VGLL2: variants seen among roughly 807,000 people sequenced by gnomAD.
VGLL2 encodes vestigial like family member 2.
Under a neutral mutation model 27.0 loss-of-function variants are expected in VGLL2, and 18 were observed. The ratio of observed to expected loss-of-function variants is 0.67; its 90% CI spans 0.46 to 0.99. The LOEUF (loss-of-function observed/expected upper bound fraction) is 0.99, where lower values mean the gene tolerates loss of function less well. Among genes scored for constraint, VGLL2 ranks in the 50% least tolerant of loss-of-function variants. The pLI, the probability that VGLL2 is intolerant of heterozygous loss-of-function variation, is 0.00. For missense variants in VGLL2, 491 were observed against 452.3 expected (o/e 1.09, Z -0.78); for synonymous variants, 220 against 201.1 (o/e 1.09, Z -0.80).
chr6:117,269,543 A>T (rs932922519), intron 2 of VGLL2, among the ~76,000 whole-genome samples: 2 of 152,196 alleles, frequency 1.3e-5, no homozygotes, highest in Admixed American at 6.5e-5. Flanking sequence ...TCTCTGCCTA[A>T]ATATGTTTAA....
rs745553667 is a variant in VGLL2, at chr6:117,270,607, G to A, written c.456G>A (p.Ala152=). Residue 152 remains alanine (A), a synonymous_variant, in exon 3 of 4, where the codon GCG becomes GCA. Transcript: ENST00000326274. ...PASFWNSAYQ[A]PVPPPLGSPL... is the part of the protein sequence containing the mutation. ...CCTTCTGGAATAGCGCGTACCAGGC[G>A]CCAGTGCCCCCGCCGCTGGGCAGCC... 4.2e-5 allele frequency: 66 copies of A among 1,574,890 alleles called. 2 individuals are homozygous for A. The East Asian group carries it at 1.5e-3, about 37-fold the overall frequency.
Position 117,268,191 on chromosome 6 carries a change from T to G in VGLL2, c.91T>G (p.Tyr31Asp), listed in dbSNP as rs746937907. The G allele has an allele frequency of 6.2e-7, 1 of 1,613,748 alleles. No homozygotes were observed. The highest frequency in any genetic ancestry group is 8.5e-7 in the Non-Finnish European group (1 of 1,179,848). Residue 31 changes from tyrosine (Y) to aspartate (D), a missense_variant, in exon 2 of 4, where the codon TAT (tyrosine) becomes GAT (aspartate). Coordinates refer to ENST00000326274, the MANE Select transcript of VGLL2 (RefSeq NM_182645.3). ...AYTPYHQKLA[Y>D]YSKMQEAQEC... ...TTCTCTCTCTGAACAGAAACTAGCCTATTATTCCAAAATGCAGGAAGCGCA... is the reference window on the plus strand; with the variant it reads ...TTCTCTCTCTGAACAGAAACTAGCCGATTATTCCAAAATGCAGGAAGCGCA...
At chr6:117,268,046 G>T (rs1051430764) in intron 1 of VGLL2, 136 bp from the exon 2 acceptor site, 3 of 942,988 alleles carry the variant, frequency 3.2e-6, no homozygotes, top group African/African-American at 3.3e-5. Context: ...CTAGTTTTAT[G>T]CTAACAGCAC....
Position 117,270,704 on chromosome 6 carries a change from C to T in VGLL2, c.553C>T (p.His185Tyr), listed in dbSNP as rs1290511141. ...CTACTCGCCCGCCGCGCTGCATGGC[C>T]ACCTGCACCAGGGCGCCACGGAGCC... is the stretch of plus-strand genomic sequence containing the variant. ...DPYSPAALHGHLHQGATEPWH... is the reference protein window; with the variant it reads ...DPYSPAALHGYLHQGATEPWH... Residue 185 changes from histidine (H) to tyrosine (Y), a missense_variant, in exon 3 of 4, where the codon CAC (histidine) becomes TAC (tyrosine). Transcript: ENST00000326274. The T allele has an allele frequency of 6.5e-7, 1 of 1,534,426 alleles. No individual in the cohort carries two copies. The highest frequency in any genetic ancestry group is 8.7e-7 in the Non-Finnish European group (1 of 1,149,540).
At position 117,270,549 on chromosome 6, in the gene VGLL2, C is replaced by G. The variant is rs541907811; in HGVS notation, c.398C>G (p.Ser133Cys). 6.3e-7 allele frequency: 1 copy of G among 1,597,168 alleles called. No individual in the cohort carries two copies. The highest frequency in any genetic ancestry group is 8.5e-7 in the Non-Finnish European group (1 of 1,173,254). ...CTCCCCGGCCGGCCTACAGACTGCT[C>G]CTTCCCGATGAGCCAGCGCAGCTTC... ...PRSSGPWRDC[S>C]FPMSQRSFPA... Residue 133 changes from serine (S) to cysteine (C), a missense_variant, in exon 3 of 4, where the codon TCC becomes TGC. Coordinates refer to ENST00000326274, the MANE Select transcript of VGLL2 (RefSeq NM_182645.3).
At chr6:117,271,318 A>AATG (rs1236741550) in intron 3 of VGLL2, among the ~76,000 whole-genome samples, 11 of 139,944 alleles carry the variant, frequency 7.9e-5, no homozygotes, top group Non-Finnish European at 1.7e-4. Context: ...TAATAATAAT[A>AATG]ATAATGATAA....
chr6:117,269,859 C>T (rs925060455), intron 2 of VGLL2, among the ~76,000 whole-genome samples: 1 of 152,110 alleles, frequency 6.6e-6, no homozygotes, highest in African/African-American at 2.4e-5. Flanking sequence ...CTATTCGTGT[C>T]CTTCTGTGCA....
At chr6:117,270,324 G>T (rs1773156693) in intron 2 of VGLL2, among the ~76,000 whole-genome samples, 2 of 152,054 alleles carry the variant, frequency 1.3e-5, no homozygotes, top group South Asian at 2.1e-4. Context: ...CCCCCATTTT[G>T]CAGTTCCCCC....
chr6:117,271,216 C>A, intron 3 of VGLL2, 152 bp downstream of exon 3: 1 of 679,722 alleles, frequency 1.5e-6, no homozygotes, highest in Non-Finnish European at 2.0e-6. Flanking sequence ...TGATACATGG[C>A]CCTGTGCCAT....
chr6:117,265,682 A>C lies in VGLL2; in HGVS notation c.-82A>C. ...CTGATGACTCCAGAGCGCGGGTCCA[A>C]GCGCCGCCCATGCAGCACCCCTGAG... On this transcript the variant is annotated 5_prime_UTR_variant, in exon 1 of 4. Coordinates refer to ENST00000326274, the MANE Select transcript of VGLL2 (RefSeq NM_182645.3). 5 of 1,264,964 alleles carry C rather than the reference A, an allele frequency of 4.0e-6. No homozygotes were observed. The highest frequency in any genetic ancestry group is 5.7e-6 in the Non-Finnish European group (5 of 873,092). 78.4% of individuals were successfully genotyped at this position (1,264,964 alleles called of 1,614,324 possible). A position where few individuals can be genotyped will look rare whatever the true frequency, so the allele number is the denominator to read the frequency against.
intron 1 of VGLL2, among the ~76,000 whole-genome samples, chr6:117,267,184 G>A (rs1335981270): frequency 2.0e-5 from 3 of 152,160 alleles, no homozygotes; most frequent in African/African-American, 7.2e-5. Flanking sequence ...CCAATCTATT[G>A]CATGAAGATC....
In VGLL2 at chr6:117,265,802, T is replaced by G; in HGVS notation, c.39T>G (p.Pro13=). ...CLDVMYQVYG[P]PQPYFAAAYT... ...ATGTTATGTACCAAGTCTATGGTCC[T>G]CCGCAGCCCTACTTCGCAGCCGCCT... The change falls in exon 1 of 4, where the codon CCT becomes CCG. Residue 13 remains proline (P), a synonymous_variant. Coordinates refer to ENST00000326274, the MANE Select transcript of VGLL2 (RefSeq NM_182645.3). 1 of 1,614,184 alleles carries G rather than the reference T, an allele frequency of 6.2e-7. No homozygotes were observed. Among genetic ancestry groups the G allele is most frequent in the Non-Finnish European group, 8.5e-7 (1 of 1,180,006 alleles).
At position 117,273,173 on chromosome 6, in the gene VGLL2, GT is replaced by G. The variant is rs1773238301; in HGVS notation, c.*680del. On this transcript the variant is annotated 3_prime_UTR_variant, in exon 4 of 4. Transcript: ENST00000326274. ...AAACTCCAGAAATACATCACCCAAGGTGGCAGTTCTCAGTATTTGGCAGAAC... is the reference window on the plus strand; with the variant it reads ...AAACTCCAGAAATACATCACCCAAGGGGCAGTTCTCAGTATTTGGCAGAAC... 6.6e-6 allele frequency: 1 copy of G among 152,632 alleles called. No homozygotes were observed. The allele number at this position is 152,632 out of a possible 1,614,324, so 9.5% of individuals were successfully genotyped here.
intron 1 of VGLL2, among the ~76,000 whole-genome samples, chr6:117,267,126 G>A (rs1295698735): frequency 6.6e-6 from 1 of 152,166 alleles, no homozygotes; most frequent in East Asian, 1.9e-4. Context: ...AAAGAGGAGA[G>A]AGGTGGATTG....
chr6:117,272,075 T>G (rs1184897075), intron 3 of VGLL2, among the ~76,000 whole-genome samples: 3 of 108,492 alleles, frequency 2.8e-5, no homozygotes, highest in African/African-American at 1.1e-4. Flanking sequence ...CGCCCCCAAC[T>G]TTAGGTGAAG....
chr6:117,270,668 G>A lies in VGLL2; in HGVS notation c.517G>A (p.Ala173Thr), dbSNP rs779345712. Residue 173 changes from alanine to threonine, a missense_variant, in exon 3 of 4, where the codon GCC becomes ACC. Physicochemically the swap from Ala to Thr is moderately conservative, Grantham distance 58. Transcript: ENST00000326274. ...CGCGCACTCGGAGCTGCCCTTCGCC[G>A]CCGCCGACCCCTACTCGCCCGCCGC... Reference protein sequence around the residue: ...ATAHSELPFAAADPYSPAALH... With the variant: ...ATAHSELPFATADPYSPAALH... 1.9e-6 allele frequency: 3 copies of A among 1,556,366 alleles called. No individual in the cohort carries two copies. The highest frequency in any genetic ancestry group is 2.6e-6 in the Non-Finnish European group (3 of 1,158,726).
rs1773233682 is a variant in VGLL2, at chr6:117,272,984, T to G, written c.*490T>G. 1 of 157,136 alleles carries G rather than the reference T, an allele frequency of 6.4e-6. No individual in the cohort carries two copies. The highest frequency in any genetic ancestry group is 2.4e-5 in the African/African-American group (1 of 41,496). 9.7% of individuals were successfully genotyped at this position (157,136 alleles called of 1,614,324 possible). A position where few individuals can be genotyped will look rare whatever the true frequency, so the allele number is the denominator to read the frequency against. ...ACCTCTCAGCCTCCAGATCCCTTCC[T>G]GCCCATCCCTTCCCTACAATGCCCA... On this transcript the variant is annotated 3_prime_UTR_variant, in exon 4 of 4. Transcript: ENST00000326274.
At position 117,270,838 on chromosome 6, in the gene VGLL2, A is replaced by G; in HGVS notation, c.687A>G (p.Glu229=). Residue 229 remains glutamate, a synonymous_variant, in exon 3 of 4, where the codon GAA becomes GAG. Coordinates refer to ENST00000326274, the MANE Select transcript of VGLL2 (RefSeq NM_182645.3). ...ACCCGCGCCCCGCCGCCGTGCACGAAGTCTACGCGCCGCACTTCGACCCGC... is the reference window on the plus strand; with the variant it reads ...ACCCGCGCCCCGCCGCCGTGCACGAGGTCTACGCGCCGCACTTCGACCCGC... ...APYPRPAAVH[E]VYAPHFDPRY... 1 of 1,426,402 alleles carries G rather than the reference A, an allele frequency of 7.0e-7. No homozygotes were observed. Among genetic ancestry groups the G allele is most frequent in the South Asian group, 1.4e-5 (1 of 73,456 alleles). The allele number at this position is 1,426,402 out of a possible 1,614,324, so 88.4% of individuals were successfully genotyped here. A position where few individuals can be genotyped will look rare whatever the true frequency, so the allele number is the denominator to read the frequency against.
At chr6:117,266,541 A>G (rs906518956) in intron 1 of VGLL2, among the ~76,000 whole-genome samples, 2 of 152,180 alleles carry the variant, frequency 1.3e-5, no homozygotes, top group African/African-American at 4.8e-5. Flanking sequence ...GCTTCCAACA[A>G]ACACTTTAAG....
Sources: gnomAD v4.1 joint callset for allele counts (sites outside exome capture counted in the v4.1 genomes callset) on GRCh38, gnomAD v4.1.1 for gene constraint, MANE v1.5 for transcripts, NCBI Gene and HGNC (gene_info 2026-07-23, HGNC 2026-07-21) for gene names.